Variants in L3HYPDH observed in about 807,000 individuals in gnomAD.
L3HYPDH encodes the protein trans-3-hydroxy-L-proline dehydratase.
A neutral mutation model predicts 26.5 loss-of-function variants in L3HYPDH; 32 were observed. That is an observed-to-expected ratio of 1.21 (90% CI 0.91 to 1.62). L3HYPDH has a LOEUF of 1.62. Ranked by LOEUF, L3HYPDH falls within the 40% of genes most tolerant of loss-of-function variation. The pLI, the probability that L3HYPDH is intolerant of heterozygous loss-of-function variation, is 0.00. For synonymous variants in L3HYPDH, 215 were observed against 196.6 expected, an observed-to-expected ratio of 1.09 and a Z score of -0.78; for missense variants, 554 against 476.4, an observed-to-expected ratio of 1.16 and a Z score of -1.52.
chr14:59,471,826 T>C (rs1393761593), downstream of L3HYPDH, among the ~76,000 whole-genome samples: 2 of 151,128 alleles, frequency 1.3e-5, no homozygotes, highest in African/African-American at 4.8e-5. Context: ...TTTGGTCATA[T>C]TGTTAGTGAT....
chr14:59,485,238 C>T, upstream of L3HYPDH: 1 of 1,052,292 alleles, frequency 9.5e-7, no homozygotes, highest in Non-Finnish European at 1.4e-6. Flanking sequence ...AGATGTAAAG[C>T]CCATACAGAA....
chr14:59,499,198 A>AT, the L3HYPDH span, among the ~76,000 whole-genome samples: 10 of 147,982 alleles, frequency 6.8e-5, no homozygotes, highest in South Asian at 2.1e-4. Context: ...TAATTTTTGT[A>AT]TTTTTTTTTA....
intron 2 of L3HYPDH, among the ~76,000 whole-genome samples, chr14:59,477,839 ACT>A (rs1467226881): frequency 2.0e-5 from 3 of 152,218 alleles, no homozygotes; most frequent in Admixed American, 2.0e-4. Flanking sequence ...TACACAAGTT[ACT>A]TTTTACTACT....
rs140616491 is a variant in L3HYPDH, at chr14:59,482,722, T to C, written c.508+1087A>G. The stretch of plus-strand genomic sequence containing the variant: ...CCTAAGGTTGCTCTAAAAGTGCCTG[T>C]TCTATCAGTTATCATTCATAATCAG... On this transcript the variant is annotated intron_variant, in intron 1 of 4. Transcript: ENST00000247194. Among the ~76,000 whole-genome samples the C allele has an allele frequency of 9.2e-3, 1,400 of 152,328 alleles. 24 individuals are homozygous for C. The highest frequency in any genetic ancestry group is 0.031 in the African/African-American group (1,275 of 41,556).
the L3HYPDH span, among the ~76,000 whole-genome samples, chr14:59,502,773 T>TTGTGTTTTTTTTTTTTTTTTTTTTTTTTG: frequency 9.7e-6 from 1 of 102,836 alleles, no homozygotes; most frequent in Non-Finnish European, 1.8e-5. Flanking sequence ...TTTTTTTTTT[T>TTGTGTTTTTTTTTTTTTTTTTTTTTTTTG]CGGAGTCTCA....
upstream of L3HYPDH, chr14:59,484,749 C>T: frequency 9.5e-7 from 1 of 1,051,746 alleles, no homozygotes; most frequent in East Asian, 2.6e-5. Context: ...CTCCGCACTC[C>T]TGCGGGGTTG....
chr14:59,484,753 G>C (rs2139845980), upstream of L3HYPDH: 2 of 1,016,840 alleles, frequency 2.0e-6, no homozygotes, highest in Non-Finnish European at 2.9e-6. Flanking sequence ...GCACTCCTGC[G>C]GGGTTGGGGT....
At chr14:59,483,692 T>C in intron 1 of L3HYPDH, 117 bp downstream of exon 1, 8 of 1,476,354 alleles carry the variant, frequency 5.4e-6, no homozygotes, top group Non-Finnish European at 7.2e-6. Context: ...TTCTATTAAT[T>C]GCAAGGTTTC....
At chr14:59,501,693 T>TCCA in the L3HYPDH span, among the ~76,000 whole-genome samples, 1 of 152,232 alleles carries the variant, frequency 6.6e-6, no homozygotes, top group African/African-American at 2.4e-5. Flanking sequence ...CTTCTGTGTT[T>TCCA]TATCACAAAT....
intron 2 of L3HYPDH, chr14:59,478,859 G>A (rs575374738): frequency 5.0e-6 from 1 of 198,450 alleles, no homozygotes; most frequent in Non-Finnish European, 1.0e-5. Flanking sequence ...ACTGGGAGAA[G>A]AATTGTCTTG....
chr14:59,475,871 T>C lies in L3HYPDH; in HGVS notation c.937A>G (p.Arg313Gly). The C allele has an allele frequency of 1.2e-6, 2 of 1,611,788 alleles. No homozygotes were observed. The highest frequency in any genetic ancestry group is 1.7e-6 in the Non-Finnish European group (2 of 1,179,450). ...AAGAAGCTAAGGGTGCCACTTACCCTCACAGCTTTCCCTGTGAATACTGAG... is the reference window on the plus strand; with the variant it reads ...AAGAAGCTAAGGGTGCCACTTACCCCCACAGCTTTCCCTGTGAATACTGAG... ...TGSVFTGKAVREAKCGDFKAV... is the reference protein window; with the variant it reads ...TGSVFTGKAVGEAKCGDFKAV... Residue 313 changes from arginine (R) to glycine (G), a missense_variant and splice_region_variant, in exon 4 of 5, where the codon AGG becomes GGG. Arg to Gly is a moderately radical substitution (Grantham distance 125). Coordinates refer to ENST00000247194, the MANE Select transcript of L3HYPDH (RefSeq NM_144581.2).
At chr14:59,484,676 T>C (rs563754331), upstream of L3HYPDH, 15 of 1,497,006 alleles carry the variant, frequency 1.0e-5, no homozygotes, top group African/African-American at 2.8e-5. Flanking sequence ...CTCGGCTCTT[T>C]GTAGGCGGCC....
At chr14:59,488,430 A>G (rs1890746990), upstream of L3HYPDH, among the ~76,000 whole-genome samples, 1 of 152,176 alleles carries the variant, frequency 6.6e-6, no homozygotes, top group Admixed American at 6.5e-5. Flanking sequence ...GAACAGAGAG[A>G]TAAATTATGC....
the L3HYPDH span, among the ~76,000 whole-genome samples, chr14:59,502,773 T>TTTTTTTTTTTTTTTG: frequency 1.5e-3 from 159 of 102,832 alleles, 7 homozygotes; most frequent in East Asian, 3.4e-3. Flanking sequence ...TTTTTTTTTT[T>TTTTTTTTTTTTTTTG]CGGAGTCTCA....
At chr14:59,482,089 T>C (rs1890067261) in intron 1 of L3HYPDH, among the ~76,000 whole-genome samples, 1 of 152,202 alleles carries the variant, frequency 6.6e-6, no homozygotes, top group Non-Finnish European at 1.5e-5. Flanking sequence ...GCACTTAGAA[T>C]ACTGTGAACA....
In L3HYPDH at chr14:59,484,317, G is replaced by A; in HGVS notation, c.-1C>T. 5.7e-6 allele frequency: 9 copies of A among 1,582,160 alleles called. No individual in the cohort carries two copies. Among genetic ancestry groups the A allele is most frequent in the Non-Finnish European group, 7.7e-6 (9 of 1,171,520 alleles). ...GGGGCACCGCCAGCGCGCTCTCCATGGTCTGCGTCGGGGGAGACGAGTACG... is the reference window on the plus strand; with the variant it reads ...GGGGCACCGCCAGCGCGCTCTCCATAGTCTGCGTCGGGGGAGACGAGTACG... On this transcript the variant is annotated 5_prime_UTR_variant, in exon 1 of 5. Transcript: ENST00000247194.
At chr14:59,493,724 C>A in the L3HYPDH span, among the ~76,000 whole-genome samples, 1 of 152,054 alleles carries the variant, frequency 6.6e-6, no homozygotes, top group East Asian at 1.9e-4. Context: ...GAGCACTTGA[C>A]AAGCCAATTT....
the L3HYPDH span, chr14:59,504,616 T>TA: frequency 6.5e-6 from 1 of 152,880 alleles, no homozygotes; most frequent in South Asian, 2.1e-4. Context: ...TAATAATTTA[T>TA]ATAACAGGTT....
chr14:59,496,041 T>C, the L3HYPDH span, among the ~76,000 whole-genome samples: 152 of 152,280 alleles, frequency 1.0e-3, no homozygotes, highest in Non-Finnish European at 1.8e-3. Flanking sequence ...GTAGCTGGGA[T>C]TACAGGCATG....
Sources: gnomAD v4.1 joint callset for allele counts (sites outside exome capture counted in the v4.1 genomes callset) on GRCh38, gnomAD v4.1.1 for gene constraint, MANE v1.5 for transcripts, NCBI Gene and HGNC (gene_info 2026-07-23, HGNC 2026-07-21) for gene names.